Variants in GPC3 observed in about 807,000 individuals in gnomAD.
The protein encoded by GPC3 is glypican 3.
Under a neutral mutation model 34.4 loss-of-function variants are expected in GPC3, and 3 were observed. The ratio of observed to expected loss-of-function variants is 0.09; its 90% confidence interval spans 0.04 to 0.23. GPC3 has a LOEUF of 0.23. Among genes scored for constraint, GPC3 ranks in the 10% least tolerant of loss-of-function variants. The probability of loss-of-function intolerance (pLI) is 1.00; values close to 1 mark genes in which losing one functional copy is unlikely to be tolerated. For synonymous variants in GPC3, 177 were observed against 174.0 expected (o/e 1.02, Z -0.13); for missense variants, 351 against 445.6 (o/e 0.79, Z 1.91).
At chrX:133,821,961 T>C (rs772956070) in intron 2 of GPC3, among the ~76,000 whole-genome samples, 1 of 112,046 alleles carries the variant, frequency 8.9e-6, no homozygotes, top group Non-Finnish European at 1.9e-5. Flanking sequence ...GCAGAGTCTA[T>C]GCATTTTTAC....
At chrX:133,889,351 A>G (rs2076075537) in intron 2 of GPC3, among the ~76,000 whole-genome samples, 2 of 112,633 alleles carry the variant, frequency 1.8e-5, no homozygotes, top group Admixed American at 1.9e-4. Flanking sequence ...TCTGCATTCC[A>G]CTTCCAATCA....
At chrX:133,850,208 T>TTTG (rs1239884889) in intron 2 of GPC3, among the ~76,000 whole-genome samples, 6 of 103,631 alleles carry the variant, frequency 5.8e-5, no homozygotes, top group African/African-American at 2.2e-4. Context: ...TTTTTTTTTT[T>TTTG]TTTTTGGTAA....
intron 2 of GPC3, among the ~76,000 whole-genome samples, chrX:133,790,937 G>C (rs887791970): frequency 1.8e-5 from 2 of 111,782 alleles, no homozygotes; most frequent in African/African-American, 6.5e-5. Context: ...AAGATGGTGT[G>C]GGTGTGGCAG....
At chrX:133,688,449 TA>T (rs2124427298) in intron 5 of GPC3, among the ~76,000 whole-genome samples, 1 of 111,499 alleles carries the variant, frequency 9.0e-6, no homozygotes, top group Admixed American at 9.6e-5. Context: ...TCATAAGAGA[TA>T]AAAAAGGAAA....
At chrX:133,756,200 C>T (rs1278421825) in intron 2 of GPC3, among the ~76,000 whole-genome samples, 1 of 112,352 alleles carries the variant, frequency 8.9e-6, no homozygotes, top group African/African-American at 3.2e-5. Flanking sequence ...AGCATTTTCC[C>T]GTGGTCACAC....
chrX:133,841,625 T>C (rs1233860754), intron 2 of GPC3, among the ~76,000 whole-genome samples: 2 of 111,033 alleles, frequency 1.8e-5, no homozygotes, highest in African/African-American at 6.5e-5. Context: ...AGGCAGAAAA[T>C]ACGGATTTGA....
intron 2 of GPC3, among the ~76,000 whole-genome samples, chrX:133,779,543 T>C (rs2072024451): frequency 8.9e-6 from 1 of 112,011 alleles, no homozygotes; most frequent in East Asian, 2.8e-4. Flanking sequence ...ATAAAATATA[T>C]ACAAAATGAT....
intron 2 of GPC3, among the ~76,000 whole-genome samples, chrX:133,834,127 T>C (rs2075789056): frequency 8.9e-6 from 1 of 112,507 alleles, no homozygotes; most frequent in East Asian, 2.8e-4. Context: ...ACCAGTCTTT[T>C]CTTGATTGTT....
intron 2 of GPC3, among the ~76,000 whole-genome samples, chrX:133,781,317 A>G (rs1044803738): frequency 9.0e-6 from 1 of 111,689 alleles, no homozygotes; most frequent in African/African-American, 3.3e-5. Context: ...ACATTAGTCA[A>G]TGCTGAGGCA....
chrX:133,927,865 C>CAT (rs886234041), intron 2 of GPC3, among the ~76,000 whole-genome samples: 25 of 106,119 alleles, frequency 2.4e-4, no homozygotes, highest in East Asian at 2.9e-4. Flanking sequence ...AATAAATATA[C>CAT]ATATATATAT....
Position 133,581,449 on chromosome X carries a change from C to T in GPC3, c.1573+14991G>A, listed in dbSNP as rs747752821. On this transcript the variant is annotated intron_variant, in intron 7 of 7. Transcript: ENST00000370818. ...TAAATCCTCTAAATATATTGTCTTA[C>T]CCAGTGGTGAGCTGGTAAATATTTA... 2.7e-5 allele frequency among the ~76,000 whole-genome samples: 3 copies of T among 111,949 alleles called. No individual in the cohort carries two copies. The Admixed American group carries it at 2.8e-4, about 11-fold the overall frequency.
intron 6 of GPC3, among the ~76,000 whole-genome samples, chrX:133,625,037 T>G (rs182241664): frequency 1.8e-5 from 2 of 111,599 alleles, no homozygotes; most frequent in Admixed American, 9.5e-5. Context: ...ATGTAATCCA[T>G]CATATAAACA....
At chrX:133,735,719 T>G (rs1224897214) in intron 3 of GPC3, among the ~76,000 whole-genome samples, 1 of 110,616 alleles carries the variant, frequency 9.0e-6, no homozygotes, top group Admixed American at 9.6e-5. Context: ...TCCCAACACT[T>G]TGGGAGGCTG....
chrX:133,823,126 C>T (rs1240968360), intron 2 of GPC3, among the ~76,000 whole-genome samples: 3 of 32,842 alleles, frequency 9.1e-5, no homozygotes, highest in African/African-American at 4.6e-4. Flanking sequence ...AAGACTCCGT[C>T]TCAAAAAAAA....
rs144894641 is a variant in GPC3 at position 133,837,649 on chromosome X, G to A, written c.338-83473C>T. Among the ~76,000 whole-genome samples the A allele has an allele frequency of 1.6e-4, 18 of 111,718 alleles. No homozygotes were observed. In the East Asian group the frequency reaches 5.1e-3, roughly 31 times the overall value. On this transcript the variant is annotated intron_variant, in intron 2 of 7. Coordinates refer to ENST00000370818, the MANE Select transcript of GPC3 (RefSeq NM_004484.4). ...TAACCCAACATGTCTTCAAAGGCAG[G>A]TTTAGACAGAAGCTAAACTGCCCTG...
chrX:133,827,995 T>G (rs898428867), intron 2 of GPC3, among the ~76,000 whole-genome samples: 1 of 108,465 alleles, frequency 9.2e-6, no homozygotes, highest in African/African-American at 3.3e-5. Flanking sequence ...TATATTTATT[T>G]AAATTTACTT....
chrX:133,823,483 A>G (rs1246134339), intron 2 of GPC3, among the ~76,000 whole-genome samples: 1 of 111,940 alleles, frequency 8.9e-6, no homozygotes, highest in Non-Finnish European at 1.9e-5. Flanking sequence ...AAAGAGCAAC[A>G]GAAAAGACAA....
intron 2 of GPC3, among the ~76,000 whole-genome samples, chrX:133,914,895 A>C (rs1200550539): frequency 3.0e-5 from 3 of 98,758 alleles, no homozygotes; most frequent in African/African-American, 1.1e-4. Context: ...AAAAAAAAAC[A>C]ACCAGATAAT....
chrX:133,801,486 G>A (rs374199869), intron 2 of GPC3, among the ~76,000 whole-genome samples: 191 of 111,297 alleles, frequency 1.7e-3, no homozygotes, highest in African/African-American at 5.8e-3. Context: ...TTATGTAGTC[G>A]AACGCATTTT....
Sources: allele counts gnomAD v4.1 joint callset (sites outside exome capture counted in the v4.1 genomes callset), GRCh38; gene constraint gnomAD v4.1.1; transcripts MANE v1.5; gene names NCBI Gene and HGNC (gene_info 2026-07-23, HGNC 2026-07-21).